Variants in RALGAPA1 observed in about 807,000 individuals in gnomAD.
RALGAPA1 encodes Ral GTPase activating protein catalytic subunit alpha 1.
In RALGAPA1, 52 loss-of-function variants were observed where a neutral mutation model predicts 269.6. The observed-to-expected ratio is 0.19, with a 90% CI of 0.15 to 0.24. The LOEUF is 0.24. RALGAPA1 is among the 10% of genes least tolerant of loss of function. RALGAPA1 has a pLI of 1.00. For missense variants in RALGAPA1, 1,917 were observed against 3,013.9 expected (o/e 0.64, Z 8.52); for synonymous variants, 817 against 1,008.3 (o/e 0.81, Z 3.60).
rs572176974 is a variant in RALGAPA1 at position 35,709,099 on chromosome 14, A to C, written c.2267-8797T>G. 2.9e-4 allele frequency among the ~76,000 whole-genome samples: 44 copies of C among 152,266 alleles called. 1 individual carries two copies. The Middle Eastern group carries it at 0.02, about 71-fold the overall frequency. On this transcript the variant is annotated intron_variant, in intron 16 of 41. Coordinates refer to ENST00000680220, the MANE Select transcript of RALGAPA1 (RefSeq NM_001346249.2). Reference sequence around the variant, plus strand: ...TCAGAAGTACAGTGGGGGAAAGGGTAAGTGCAGATGGTTAATGGGTACAAA... The same window carrying C: ...TCAGAAGTACAGTGGGGGAAAGGGTCAGTGCAGATGGTTAATGGGTACAAA...
At chr14:35,747,974 C>T (rs2072282881) in intron 10 of RALGAPA1, among the ~76,000 whole-genome samples, 1 of 151,606 alleles carries the variant, frequency 6.6e-6, no homozygotes, top group Non-Finnish European at 1.5e-5. Flanking sequence ...GAGGACAAAA[C>T]TAAGCCTTGA....
At position 35,743,469 on chromosome 14, in the gene RALGAPA1, C is replaced by T. The variant is rs112936683; in HGVS notation, c.1252-904G>A. Among the ~76,000 whole-genome samples, 1,142 of 152,198 alleles carry T rather than the reference C, an allele frequency of 7.5e-3. 15 individuals are homozygous for T. Among genetic ancestry groups the T allele is most frequent in the African/African-American group, 0.025 (1,058 of 41,528 alleles). Reference sequence around the variant, plus strand: ...GCTCTTACAAAGGTCAATATAAATACGACTTTTCATAAGTTACACTTTTTT... The same window carrying T: ...GCTCTTACAAAGGTCAATATAAATATGACTTTTCATAAGTTACACTTTTTT... On this transcript the variant is annotated intron_variant, in intron 10 of 41. Transcript: ENST00000680220.
chr14:35,765,074 A>G (rs1255962881), intron 4 of RALGAPA1, among the ~76,000 whole-genome samples: 1 of 152,146 alleles, frequency 6.6e-6, no homozygotes, highest in Non-Finnish European at 1.5e-5. Context: ...GTGTAGTACT[A>G]TTTCGGGATT....
intron 37 of RALGAPA1, among the ~76,000 whole-genome samples, chr14:35,575,948 A>C (rs1035147379): frequency 6.6e-6 from 1 of 152,160 alleles, no homozygotes; most frequent in Non-Finnish European, 1.5e-5. Flanking sequence ...ACTAAGCTAA[A>C]AACTGCCTTC....
chr14:35,743,730 T>C (rs1013434513), intron 10 of RALGAPA1, among the ~76,000 whole-genome samples: 3 of 152,088 alleles, frequency 2.0e-5, no homozygotes, highest in African/African-American at 7.2e-5. Context: ...CAGAAACTAA[T>C]AAAAATCATA....
intron 31 of RALGAPA1, among the ~76,000 whole-genome samples, chr14:35,649,708 T>C (rs916042322): frequency 6.6e-6 from 1 of 152,208 alleles, no homozygotes; most frequent in African/African-American, 2.4e-5. Context: ...CCCCAATAGT[T>C]AATTACTTCT....
rs146613770 is a variant in RALGAPA1, at chr14:35,651,783, C to A, written c.5676+22G>T. 5.8e-4 allele frequency: 912 copies of A among 1,574,530 alleles called. 5 individuals carry two copies. The African/African-American group carries it at 0.011, about 20-fold the overall frequency. ...TTTTACTAAATAACCACATACTAAT[C>A]ATCAAACAAAATTTAAATTACCCTC... On this transcript the variant is annotated intron_variant, in intron 31 of 41. Transcript: ENST00000680220.
chr14:35,708,728 G>A (rs904233689), intron 16 of RALGAPA1, among the ~76,000 whole-genome samples: 2 of 152,110 alleles, frequency 1.3e-5, no homozygotes, highest in African/African-American at 4.8e-5. Flanking sequence ...TACCAATCCA[G>A]CAATCCCACT....
chr14:35,750,755 C>T, intron 8 of RALGAPA1, 65 bp from the exon 9 acceptor site: 1 of 1,307,338 alleles, frequency 7.6e-7, no homozygotes, highest in South Asian at 1.4e-5. Context: ...AAAAAACCTA[C>T]ATTTTTAAAT....
chr14:35,596,851 TAATCA>T (rs1368664833), intron 36 of RALGAPA1, among the ~76,000 whole-genome samples: 1 of 152,222 alleles, frequency 6.6e-6, no homozygotes, highest in East Asian at 1.9e-4. Flanking sequence ...TCTGCATATA[TAATCA>T]AATTCTTATA....
intron 17 of RALGAPA1, among the ~76,000 whole-genome samples, chr14:35,696,923 A>G (rs529537366): frequency 6.6e-6 from 1 of 152,342 alleles, no homozygotes; most frequent in African/African-American, 2.4e-5. Context: ...ACATTAAACT[A>G]TTCTAAAGTA....
At chr14:35,793,164 G>T (rs1290030274) in intron 1 of RALGAPA1, among the ~76,000 whole-genome samples, 1 of 151,690 alleles carries the variant, frequency 6.6e-6, no homozygotes, top group South Asian at 2.1e-4. Flanking sequence ...AGTAACCTAT[G>T]ACAAGAGGAT....
chr14:35,756,415 TTCTG>T (rs2073180956), intron 7 of RALGAPA1: 1 of 153,934 alleles, frequency 6.5e-6, no homozygotes, highest in African/African-American at 2.4e-5. Flanking sequence ...TCCTTGTACT[TTCTG>T]TCTTTTTTAT....
chr14:35,619,925 C>A (rs1246247742), intron 35 of RALGAPA1, among the ~76,000 whole-genome samples: 1 of 152,142 alleles, frequency 6.6e-6, no homozygotes, highest in Non-Finnish European at 1.5e-5. Flanking sequence ...GGATTCACAG[C>A]CAAATTCTAC....
At chr14:35,759,242 T>A (rs923433768) in intron 6 of RALGAPA1, among the ~76,000 whole-genome samples, 1 of 152,232 alleles carries the variant, frequency 6.6e-6, no homozygotes, top group African/African-American at 2.4e-5. Flanking sequence ...AAACATAGTT[T>A]TGCTTTACCA....
At chr14:35,773,529 C>G (rs1417201306) in intron 3 of RALGAPA1, among the ~76,000 whole-genome samples, 3 of 151,850 alleles carry the variant, frequency 2.0e-5, no homozygotes, top group Non-Finnish European at 4.4e-5. Context: ...AGGAATACTC[C>G]AAAAGGGCTT....
Position 35,752,819 on chromosome 14 carries a change from T to C in RALGAPA1, c.664-657A>G, listed in dbSNP as rs569084434. ...GGAGGGCAATGGTGGCAACGGGAGA[T>C]TGATTATACACAAGGGGGACTGATT... is the stretch of plus-strand genomic sequence containing the variant. On this transcript the variant is annotated intron_variant, in intron 7 of 41. Coordinates refer to ENST00000680220, the MANE Select transcript of RALGAPA1 (RefSeq NM_001346249.2). Among the ~76,000 whole-genome samples, 21 of 152,188 alleles carry C rather than the reference T, an allele frequency of 1.4e-4. 1 individual carries two copies. The South Asian group carries it at 3.7e-3, about 27-fold the overall frequency.
intron 39 of RALGAPA1, among the ~76,000 whole-genome samples, chr14:35,568,412 G>A (rs752867388): frequency 6.6e-6 from 1 of 152,060 alleles, no homozygotes; most frequent in Non-Finnish European, 1.5e-5. Context: ...GTATTACAAT[G>A]AGATAAAAAT....
At chr14:35,709,493 A>C (rs1380753304) in intron 16 of RALGAPA1, among the ~76,000 whole-genome samples, 1 of 151,978 alleles carries the variant, frequency 6.6e-6, no homozygotes, top group Non-Finnish European at 1.5e-5. Context: ...GGTTTTGTTG[A>C]TATTTTCTAA....
Sources: allele counts gnomAD v4.1 joint callset (sites outside exome capture counted in the v4.1 genomes callset), GRCh38; gene constraint gnomAD v4.1.1; transcripts MANE v1.5; gene names NCBI Gene and HGNC (gene_info 2026-07-23, HGNC 2026-07-21).